TUT4: variants seen among roughly 807,000 people sequenced by gnomAD.
TUT4 encodes the protein terminal uridylyl transferase 4, also known as terminal uridylyltransferase 4.
A neutral mutation model predicts 192.2 loss-of-function variants in TUT4; 36 were observed. The ratio of observed to expected loss-of-function variants is 0.19; its 90% CI spans 0.14 to 0.25. The LOEUF is 0.25. Among genes scored for constraint, TUT4 ranks in the 10% least tolerant of loss-of-function variants. The pLI, the probability that TUT4 is intolerant of heterozygous loss-of-function variation, is 1.00. For missense variants in TUT4, 1,493 were observed against 1,957.2 expected (o/e 0.76, Z 4.47); for synonymous variants, 618 against 666.0 (o/e 0.93, Z 1.11).
intron 1 of TUT4, among the ~76,000 whole-genome samples, chr1:52,551,977 C>G (rs570149554): frequency 1.3e-5 from 2 of 152,152 alleles, no homozygotes; most frequent in Non-Finnish European, 2.9e-5. Flanking sequence ...ATACACAATT[C>G]GAATTGCATT....
intron 7 of TUT4, among the ~76,000 whole-genome samples, chr1:52,492,980 T>C (rs1040278464): frequency 3.4e-4 from 52 of 152,246 alleles, no homozygotes; most frequent in African/African-American, 1.2e-3. Context: ...GACCTCATAA[T>C]GATTATAGGT....
intron 4 of TUT4, among the ~76,000 whole-genome samples, chr1:52,501,687 G>A (rs765319860): frequency 6.6e-6 from 1 of 152,138 alleles, no homozygotes; most frequent in Non-Finnish European, 1.5e-5. Context: ...ATTCACAACA[G>A]TCAAATGGTG....
intron 2 of TUT4, among the ~76,000 whole-genome samples, chr1:52,517,712 T>C (rs954073808): frequency 1.3e-5 from 2 of 152,208 alleles, no homozygotes; most frequent in Non-Finnish European, 1.5e-5. Context: ...ATAAGCAACT[T>C]GCAATTATGT....
At chr1:52,552,489 ACAT>A (rs1453460674) in intron 1 of TUT4, among the ~76,000 whole-genome samples, 1 of 152,266 alleles carries the variant, frequency 6.6e-6, no homozygotes. Flanking sequence ...ACATTTATAT[ACAT>A]TATGTAGTCA....
chr1:52,535,471 T>C (rs1251531464), intron 1 of TUT4, among the ~76,000 whole-genome samples: 3 of 152,186 alleles, frequency 2.0e-5, no homozygotes, highest in Non-Finnish European at 2.9e-5. Context: ...TAAAATTCTT[T>C]CTCAAACTTT....
intron 15 of TUT4, among the ~76,000 whole-genome samples, chr1:52,467,908 C>T (rs1214220836): frequency 1.3e-5 from 2 of 152,140 alleles, no homozygotes; most frequent in Non-Finnish European, 1.5e-5. Context: ...AGAGGCCTAT[C>T]ATAACACTCC....
chr1:52,449,847 T>C (rs923117459), intron 20 of TUT4, among the ~76,000 whole-genome samples: 1 of 152,302 alleles, frequency 6.6e-6, no homozygotes, highest in Non-Finnish European at 1.5e-5. Flanking sequence ...TTGACTACTC[T>C]AGGTACTTCA....
chr1:52,513,393 C>CAAAAAAAAAAAAAAA (rs554170439), intron 3 of TUT4, among the ~76,000 whole-genome samples: 7 of 42,092 alleles, frequency 1.7e-4, no homozygotes, highest in African/African-American at 7.0e-4. Flanking sequence ...GACCCTGTCT[C>CAAAAAAAAAAAAAAA]AAAAAAAAAA....
In TUT4 at chr1:52,481,629, C is replaced by T; in HGVS notation, c.1642G>A (p.Gly548Ser). 6.2e-7 allele frequency: 1 copy of T among 1,610,090 alleles called. No homozygotes were observed. The highest frequency in any genetic ancestry group is 8.5e-7 in the Non-Finnish European group (1 of 1,179,126). ...LPCLLGSWIE[G>S]FDPKRMDDFQ... ...TCATCCATTCTTTTTGGGTCAAAGC[C>T]TTCAATCTATATAAAAAGGCATTCC... The change falls in exon 11 of 30, where the codon GGC becomes AGC. Residue 548 changes from glycine to serine, a missense_variant. This residue lies in a region of TUT4 where 437 missense variants were observed against 577.6 expected (regional missense o/e 0.76). Coordinates refer to ENST00000257177, the MANE Select transcript of TUT4 (RefSeq NM_001009881.3).
chr1:52,487,836 A>G (rs1670189221), intron 9 of TUT4, among the ~76,000 whole-genome samples: 2 of 152,250 alleles, frequency 1.3e-5, no homozygotes, highest in Admixed American at 1.3e-4. Flanking sequence ...GTGCTGACAC[A>G]GTAAAATAAG....
intron 3 of TUT4, chr1:52,514,666 T>G (rs1355952124): frequency 1.3e-5 from 2 of 152,252 alleles, no homozygotes; most frequent in Non-Finnish European, 2.9e-5. Flanking sequence ...TTTTCTAAAC[T>G]ATACAAAATC....
chr1:52,510,317 C>CAAAAAAATAAAAAAA (rs1676784352), intron 3 of TUT4, among the ~76,000 whole-genome samples: 1 of 78,628 alleles, frequency 1.3e-5, no homozygotes, highest in African/African-American at 4.5e-5. Flanking sequence ...TTCGTATTAA[C>CAAAAAAATAAAAAAA]AAAAAAAAAA....
chr1:52,463,865 G>A, intron 16 of TUT4: 1 of 1,107,666 alleles, frequency 9.0e-7, no homozygotes, highest in Non-Finnish European at 1.2e-6. Context: ...TCTCACGGTG[G>A]AACTCAGAAA....
intron 20 of TUT4, among the ~76,000 whole-genome samples, chr1:52,453,860 A>G (rs1277187402): frequency 6.6e-6 from 1 of 152,248 alleles, no homozygotes; most frequent in Non-Finnish European, 1.5e-5. Flanking sequence ...CAATACTCCA[A>G]GAATAAGCAA....
At chr1:52,504,808 C>A (rs537917247) in intron 4 of TUT4, among the ~76,000 whole-genome samples, 1 of 152,306 alleles carries the variant, frequency 6.6e-6, no homozygotes, top group South Asian at 2.1e-4. Context: ...CTAAAAACCT[C>A]ATGTAAGTGG....
At position 52,496,998 on chromosome 1, in the gene TUT4, A is replaced by G. The variant is rs948465663; in HGVS notation, c.1177+8T>C. On this transcript the variant is annotated splice_region_variant and intron_variant, in intron 5 of 29. Coordinates refer to ENST00000257177, the MANE Select transcript of TUT4 (RefSeq NM_001009881.3). ...ATTTTCAAAATCAAATATGAAATGTATTTCTACCTGGTAAAAATGTCGTTA... is the reference window on the plus strand; with the variant it reads ...ATTTTCAAAATCAAATATGAAATGTGTTTCTACCTGGTAAAAATGTCGTTA... 2 of 1,611,794 alleles carry G rather than the reference A, an allele frequency of 1.2e-6. No individual in the cohort carries two copies. Among genetic ancestry groups the G allele is most frequent in the Non-Finnish European group, 1.7e-6 (2 of 1,179,296 alleles).
intron 25 of TUT4, chr1:52,437,387 G>T (rs1654107805): frequency 6.0e-6 from 1 of 166,052 alleles, no homozygotes; most frequent in African/African-American, 2.4e-5. Context: ...GATGACAAAA[G>T]AAAGAGATCT....
chr1:52,435,930 T>A (rs1653628283), intron 26 of TUT4, among the ~76,000 whole-genome samples: 1 of 151,828 alleles, frequency 6.6e-6, no homozygotes, highest in Non-Finnish European at 1.5e-5. Flanking sequence ...TCTCTCTCTC[T>A]CTCACACACA....
chr1:52,538,376 A>C (rs1685543326), intron 1 of TUT4: 1 of 152,136 alleles, frequency 6.6e-6, no homozygotes, highest in Non-Finnish European at 1.5e-5. Flanking sequence ...GAGAAAAAAA[A>C]AGGGAGCTGG....
Sources: allele counts gnomAD v4.1 joint callset (sites outside exome capture counted in the v4.1 genomes callset), GRCh38; gene constraint gnomAD v4.1.1; regional missense constraint gnomAD v4.1.1; transcripts MANE v1.5; gene names NCBI Gene and HGNC (gene_info 2026-07-23, HGNC 2026-07-21).